The following RPS6KC1 variants were observed in gnomAD, a reference collection of about 807,000 sequenced individuals.
RPS6KC1 encodes the protein inactive ribosomal protein S6 kinase delta-1.
Under a neutral mutation model 103.8 loss-of-function variants are expected in RPS6KC1, and 54 were observed. The ratio of observed to expected loss-of-function variants is 0.52; its 90% confidence interval spans 0.42 to 0.65. The LOEUF is 0.65. Among genes scored for constraint, RPS6KC1 ranks in the 30% least tolerant of loss-of-function variants. RPS6KC1 has a pLI of 0.00. For missense variants in RPS6KC1, 1,151 were observed against 1,253.8 expected, an observed-to-expected ratio of 0.92 and a Z score of 1.24; for synonymous variants, 439 against 438.7, an observed-to-expected ratio of 1.00 and a Z score of -0.01.
At chr1:213,311,361 G>A in the RPS6KC1 span, among the ~76,000 whole-genome samples, 1 of 152,136 alleles carries the variant, frequency 6.6e-6, no homozygotes, top group East Asian at 1.9e-4. Flanking sequence ...GATGGTCTCG[G>A]TCTCCTGACC....
the RPS6KC1 span, among the ~76,000 whole-genome samples, chr1:213,430,055 T>C: frequency 1.3e-5 from 2 of 152,210 alleles, no homozygotes; most frequent in African/African-American, 4.8e-5. Flanking sequence ...AGACTGACCC[T>C]GGGCTACCTA....
chr1:213,822,849 T>C, the RPS6KC1 span, among the ~76,000 whole-genome samples: 24 of 152,194 alleles, frequency 1.6e-4, no homozygotes, highest in African/African-American at 5.1e-4. Flanking sequence ...ATTAGTGTAA[T>C]GACATCCTAA....
chr1:213,688,437 C>G, the RPS6KC1 span, among the ~76,000 whole-genome samples: 1 of 152,220 alleles, frequency 6.6e-6, no homozygotes, highest in African/African-American at 2.4e-5. Context: ...GTTCCCACAG[C>G]TGGGAACAGT....
the RPS6KC1 span, among the ~76,000 whole-genome samples, chr1:213,421,956 G>T: frequency 6.6e-6 from 1 of 152,154 alleles, no homozygotes; most frequent in African/African-American, 2.4e-5. Context: ...TTCTTCCCTT[G>T]CTAGACCCCA....
chr1:213,486,532 AG>A, the RPS6KC1 span, among the ~76,000 whole-genome samples: 32,795 of 152,056 alleles, frequency 0.22, 4,478 homozygotes, highest in Admixed American at 0.34. Context: ...TGACAGGCAA[AG>A]AAAGGTGATG....
the RPS6KC1 span, among the ~76,000 whole-genome samples, chr1:213,388,215 C>G: frequency 6.6e-6 from 1 of 152,242 alleles, no homozygotes; most frequent in African/African-American, 2.4e-5. Flanking sequence ...CCAGAAACCC[C>G]ACTAAAGGAG....
At chr1:213,162,730 A>C (rs2090603969) in intron 6 of RPS6KC1, among the ~76,000 whole-genome samples, 1 of 152,230 alleles carries the variant, frequency 6.6e-6, no homozygotes, top group Non-Finnish European at 1.5e-5. Context: ...TGATATAATG[A>C]TGTATAATAT....
At chr1:213,109,688 C>T (rs563319128) in intron 4 of RPS6KC1, among the ~76,000 whole-genome samples, 1 of 152,006 alleles carries the variant, frequency 6.6e-6, no homozygotes, top group East Asian at 1.9e-4. Context: ...TGTTTATCTA[C>T]AGTGTGTGTT....
At chr1:213,822,637 A>G in the RPS6KC1 span, among the ~76,000 whole-genome samples, 1 of 152,276 alleles carries the variant, frequency 6.6e-6, no homozygotes, top group East Asian at 1.9e-4. Flanking sequence ...TTCCCTGCCA[A>G]GTTTGTTCCT....
the RPS6KC1 span, among the ~76,000 whole-genome samples, chr1:213,842,436 G>A: frequency 6.6e-6 from 1 of 152,104 alleles, no homozygotes; most frequent in African/African-American, 2.4e-5. Context: ...ATATTTTGGG[G>A]GAGTCAAGAT....
the RPS6KC1 span, among the ~76,000 whole-genome samples, chr1:213,388,026 T>G: frequency 1.3e-5 from 2 of 151,598 alleles, no homozygotes; most frequent in Non-Finnish European, 2.9e-5. Context: ...AGCATAGGAG[T>G]TTTTAATCTC....
the RPS6KC1 span, among the ~76,000 whole-genome samples, chr1:213,368,418 A>C: frequency 6.6e-6 from 1 of 152,176 alleles, no homozygotes; most frequent in Non-Finnish European, 1.5e-5. Context: ...CGCGCCTGCT[A>C]TACACAGCTG....
chr1:213,152,581 G>A (rs1261446412), intron 6 of RPS6KC1, among the ~76,000 whole-genome samples: 1 of 146,574 alleles, frequency 6.8e-6, no homozygotes, highest in Non-Finnish European at 1.5e-5. Context: ...CCGGGCAGAG[G>A]TGCTCCTCAC....
intron 2 of RPS6KC1, among the ~76,000 whole-genome samples, chr1:213,075,009 G>A (rs2079197889): frequency 1.3e-5 from 2 of 151,472 alleles, no homozygotes; most frequent in South Asian, 4.2e-4. Context: ...CCACCACCAC[G>A]TCCAGCTAAT....
the RPS6KC1 span, among the ~76,000 whole-genome samples, chr1:213,328,528 A>G: frequency 6.0e-4 from 56 of 94,106 alleles, 1 homozygote; most frequent in African/African-American, 2.2e-3. Flanking sequence ...ATATATATAT[A>G]TATATATATA....
At chr1:213,650,450 A>C in the RPS6KC1 span, among the ~76,000 whole-genome samples, 1 of 152,204 alleles carries the variant, frequency 6.6e-6, no homozygotes, top group Non-Finnish European at 1.5e-5. Flanking sequence ...AACATTGCTC[A>C]TGGAGGCACA....
In RPS6KC1 at chr1:213,223,846, T is replaced by C. The variant is rs545666358; in HGVS notation, c.1045-6651T>C. On this transcript the variant is annotated intron_variant, in intron 8 of 14. Coordinates refer to ENST00000366960, the MANE Select transcript of RPS6KC1 (RefSeq NM_012424.6). ...GACTTAAGCATTATTTTAACTTGTA[T>C]TAATTGTTCTGGAGTCCCATGAAGT... Among the ~76,000 whole-genome samples the C allele has an allele frequency of 2.6e-5, 4 of 151,166 alleles. No individual in the cohort carries two copies. The East Asian group carries it at 7.7e-4, about 29-fold the overall frequency.
the RPS6KC1 span, among the ~76,000 whole-genome samples, chr1:213,559,162 TGCCATTGA>T: frequency 6.6e-6 from 1 of 152,210 alleles, no homozygotes; most frequent in South Asian, 2.1e-4. Flanking sequence ...TCCTTCACTT[TGCCATTGA>T]GGAAACAGAG....
chr1:213,510,848 T>G, the RPS6KC1 span, among the ~76,000 whole-genome samples: 1 of 152,150 alleles, frequency 6.6e-6, no homozygotes, highest in South Asian at 2.1e-4. Context: ...GGGGAGGCCT[T>G]TTTACTTCTG....
Sources: gnomAD v4.1 joint callset for allele counts (sites outside exome capture counted in the v4.1 genomes callset) on GRCh38, gnomAD v4.1.1 for gene constraint, MANE v1.5 for transcripts, NCBI Gene and HGNC (gene_info 2026-07-23, HGNC 2026-07-21) for gene names.